Variants in IQSEC1 observed in about 807,000 individuals in gnomAD.
IQSEC1 encodes IQ motif and Sec7 domain ArfGEF 1.
IQSEC1 carries 31 observed loss-of-function variants against 91.0 expected under a neutral mutation model. That is an observed-to-expected ratio of 0.34 (90% CI 0.26 to 0.46). The LOEUF (loss-of-function observed/expected upper bound fraction) is 0.46. IQSEC1 is among the 20% of genes least tolerant of loss of function. The pLI, the probability that IQSEC1 is intolerant of heterozygous loss-of-function variation, is 1.00. For missense variants in IQSEC1, 1,388 were observed against 1,575.6 expected (o/e 0.88, Z 2.02); for synonymous variants, 699 against 662.6 (o/e 1.05, Z -0.84).
intron 2 of IQSEC1, among the ~76,000 whole-genome samples, chr3:13,110,378 C>T (rs992389397): frequency 6.6e-5 from 10 of 151,888 alleles, no homozygotes; most frequent in African/African-American, 2.2e-4. Context: ...ATCACGAGGT[C>T]AGGAGATCGA....
At chr3:12,915,450 GA>G in intron 7 of IQSEC1, 143 bp downstream of exon 7, 1 of 857,690 alleles carries the variant, frequency 1.2e-6, no homozygotes. Context: ...GGAGACACTC[GA>G]AAAAACCCCA....
intron 1 of IQSEC1, among the ~76,000 whole-genome samples, chr3:13,061,268 C>G (rs1189224032): frequency 4.6e-5 from 7 of 152,142 alleles, no homozygotes; most frequent in Non-Finnish European, 8.8e-5. Flanking sequence ...CAGGGAGGCT[C>G]AGAGCAGCCA....
At position 12,994,494 on chromosome 3, in the gene IQSEC1, G is replaced by C. The variant is rs1158690473; in HGVS notation, c.24-52629C>G. Among the ~76,000 whole-genome samples, 3 of 151,974 alleles carry C rather than the reference G, an allele frequency of 2.0e-5. No homozygotes were observed. Among genetic ancestry groups the C allele is most frequent in the Non-Finnish European group, 4.4e-5 (3 of 67,978 alleles). On this transcript the variant is annotated intron_variant, in intron 1 of 13. Transcript: ENST00000613206. This position sits in a 1 kb window ranked among gnomAD's most constrained non-coding sequence, Gnocchi z 4.5. ...GTACGCGGGGTCCAGGCGCGGAACC[G>C]GGGGCACTGCGACCCCCGGCATTTC...
At chr3:13,132,552 G>A (rs1706638084) in intron 2 of IQSEC1, among the ~76,000 whole-genome samples, 1 of 152,182 alleles carries the variant, frequency 6.6e-6, no homozygotes. Context: ...CCCAGACTTT[G>A]AGCAGCAGCT....
chr3:12,976,468 G>A (rs1409104002), intron 1 of IQSEC1, among the ~76,000 whole-genome samples: 6 of 152,190 alleles, frequency 3.9e-5, no homozygotes, highest in African/African-American at 1.4e-4. Flanking sequence ...TGGGAGCCTG[G>A]GACCAGAGCA....
chr3:12,976,713 G>GT (rs1701192547), intron 1 of IQSEC1, among the ~76,000 whole-genome samples: 1 of 152,206 alleles, frequency 6.6e-6, no homozygotes, highest in Non-Finnish European at 1.5e-5. Flanking sequence ...CCACCAGAAA[G>GT]TAGCTCTGCA....
chr3:13,038,076 TA>T (rs1173165306), intron 1 of IQSEC1, among the ~76,000 whole-genome samples: 1 of 151,682 alleles, frequency 6.6e-6, no homozygotes, highest in Non-Finnish European at 1.5e-5. Context: ...ATCTAAAGTT[TA>T]AAAACATGTA....
intron 1 of IQSEC1, among the ~76,000 whole-genome samples, chr3:13,014,555 C>T (rs970870180): frequency 6.6e-6 from 1 of 152,190 alleles, no homozygotes. Flanking sequence ...ACTGGTTGGG[C>T]TCCAGTCCTA....
At chr3:13,274,906 GGAAGGGACCAT>G in intron 1 of IQSEC1, among the ~76,000 whole-genome samples, 1 of 152,310 alleles carries the variant, frequency 6.6e-6, no homozygotes, top group East Asian at 1.9e-4. Flanking sequence ...AAAAATCTGG[GGAAGGGACCAT>G]GCCACATTTG....
rs749873023 is a variant in IQSEC1, at chr3:12,936,181, G to A, written c.835C>T (p.Leu279=). 6.2e-7 allele frequency: 1 copy of A among 1,612,954 alleles called. No homozygotes were observed. The highest frequency in any genetic ancestry group is 8.5e-7 in the Non-Finnish European group (1 of 1,179,964). Residue 279 remains leucine (L), a synonymous_variant, in exon 3 of 14, where the codon CTG becomes TTG. Transcript: ENST00000613206. ...TALHGMDHRK[L]DEMTASYSDV... ...CTGTACGAGGCCGTCATCTCGTCCA[G>A]TTTGCGGTGGTCCATGCCGTGCAGG...
At chr3:13,163,786 G>A (rs375655036) in intron 2 of IQSEC1, among the ~76,000 whole-genome samples, 1 of 150,566 alleles carries the variant, frequency 6.6e-6, no homozygotes, top group Non-Finnish European at 1.5e-5. Context: ...GGTCCTAGAC[G>A]GGTCACAGCC....
At position 13,151,962 on chromosome 3, in the gene IQSEC1, A is replaced by G. The variant is rs9842439; in HGVS notation, c.302+12142T>C. Among the ~76,000 whole-genome samples, 520 of 152,286 alleles carry G rather than the reference A, an allele frequency of 3.4e-3. 3 individuals carry two copies. Among genetic ancestry groups the G allele is most frequent in the African/African-American group, 0.012 (499 of 41,566 alleles). On this transcript the variant is annotated intron_variant, in intron 2 of 15. Transcript: ENST00000648114. ...GGCTGGGTGACAGAAGCGAAACTCCATCTCAAAAAAACAAAACAACAACAA... is the reference window on the plus strand; with the variant it reads ...GGCTGGGTGACAGAAGCGAAACTCCGTCTCAAAAAAACAAAACAACAACAA...
chr3:13,034,636 G>C (rs972172958), intron 1 of IQSEC1, among the ~76,000 whole-genome samples: 1 of 152,126 alleles, frequency 6.6e-6, no homozygotes, highest in Admixed American at 6.5e-5. Flanking sequence ...CCCGTGACTC[G>C]CACTAGGAGA....
At position 12,920,484 on chromosome 3, in the gene IQSEC1, T is replaced by C. The variant is rs1696524669; in HGVS notation, c.1966A>G (p.Asn656Asp). 1 of 1,614,062 alleles carries C rather than the reference T, an allele frequency of 6.2e-7. No homozygotes were observed. Among genetic ancestry groups the C allele is most frequent in the Non-Finnish European group, 8.5e-7 (1 of 1,180,032 alleles). The change falls in exon 6 of 14, where the codon AAT becomes GAT. Residue 656 changes from asparagine to aspartate, a missense_variant. Asn to Asp is a conservative substitution (Grantham distance 23, BLOSUM62 1). Transcript: ENST00000613206. ...TTCATTTTCCGCTCGGGCTTGACATTGGGGCTGTACATGTCGGTGTTCAGC... is the reference window on the plus strand; with the variant it reads ...TTCATTTTCCGCTCGGGCTTGACATCGGGGCTGTACATGTCGGTGTTCAGC... Reference protein sequence around the residue: ...ILLNTDMYSPNVKPERKMKLE... With the variant: ...ILLNTDMYSPDVKPERKMKLE...
intron 2 of IQSEC1, among the ~76,000 whole-genome samples, chr3:13,132,355 C>T (rs1439967245): frequency 2.6e-5 from 4 of 152,216 alleles, no homozygotes; most frequent in African/African-American, 9.6e-5. Flanking sequence ...GGGCCAGGCA[C>T]TGAGTTCTCT....
At chr3:13,053,596 A>G (rs1405210169) in intron 1 of IQSEC1, among the ~76,000 whole-genome samples, 1 of 152,172 alleles carries the variant, frequency 6.6e-6, no homozygotes, top group African/African-American at 2.4e-5. Context: ...TCACAGCCCC[A>G]GCAGCTGCCA....
intron 2 of IQSEC1, among the ~76,000 whole-genome samples, chr3:13,094,430 C>T (rs1705920499): frequency 6.6e-6 from 1 of 152,192 alleles, no homozygotes; most frequent in South Asian, 2.1e-4. Flanking sequence ...TCTAGACTCC[C>T]TCCCCCAATC....
At chr3:12,951,057 G>A (rs1699510962) in intron 1 of IQSEC1, among the ~76,000 whole-genome samples, 1 of 152,168 alleles carries the variant, frequency 6.6e-6, no homozygotes, top group African/African-American at 2.4e-5. Context: ...GCTGCAGTTA[G>A]CTATGATGAC....
At chr3:12,984,124 T>A (rs1701606540) in intron 1 of IQSEC1, among the ~76,000 whole-genome samples, 1 of 152,062 alleles carries the variant, frequency 6.6e-6, no homozygotes, top group Admixed American at 6.5e-5. Flanking sequence ...ATGGTCCAGT[T>A]CTCTCTGAAA....
Sources: allele counts gnomAD v4.1 joint callset (sites outside exome capture counted in the v4.1 genomes callset), GRCh38; gene constraint gnomAD v4.1.1; non-coding constraint Gnocchi (gnomAD v3.1); transcripts MANE v1.5; gene names NCBI Gene and HGNC (gene_info 2026-07-23, HGNC 2026-07-21).